Variants in VGLL4 observed in about 807,000 individuals in gnomAD.
The protein encoded by VGLL4 is transcription cofactor vestigial-like protein 4.
VGLL4 carries 7 observed loss-of-function variants against 21.0 expected under a neutral mutation model. The observed-to-expected ratio is 0.33, with a 90% CI of 0.19 to 0.63. The LOEUF is 0.63. Ranked by LOEUF, VGLL4 falls within the 20% of genes least tolerant of loss-of-function variation. VGLL4 has a pLI of 0.78. For missense variants in VGLL4, 394 were observed against 425.7 expected, an observed-to-expected ratio of 0.93 and a Z score of 0.66; for synonymous variants, 222 against 173.2, an observed-to-expected ratio of 1.28 and a Z score of -2.21.
rs1260665693 is a variant in VGLL4 at position 11,573,365 on chromosome 3, AAGAAAGAAAGAAAGAAAGAAAGAAAG to A, written c.273-8372_273-8347del. ...AAAGAAAGAAAGAAAGAAAGAAAGA[AAGAAAGAAAGAAAGAAAGAAAGAAAG>A]AAAGAAAATGGCCCCATAGTGCTTA... is the stretch of plus-strand genomic sequence containing the variant. On this transcript the variant is annotated intron_variant, in intron 2 of 4. Transcript: ENST00000430365. Among the ~76,000 whole-genome samples the A allele has an allele frequency of 1.1e-4, 16 of 139,562 alleles. No individual in the cohort carries two copies. The East Asian group carries it at 3.3e-3, about 29-fold the overall frequency. The allele number at this position is 139,562 out of a possible 152,430, so 91.6% of individuals were successfully genotyped here. A position where few individuals can be genotyped will look rare whatever the true frequency, so the allele number is the denominator to read the frequency against.
intron 2 of VGLL4, among the ~76,000 whole-genome samples, chr3:11,598,270 G>A (rs2074696480): frequency 1.4e-5 from 1 of 70,970 alleles, no homozygotes. Context: ...CATGTGATCC[G>A]CCCACCCTGG....
chr3:11,715,052 G>A (rs908334648), intron 1 of VGLL4, among the ~76,000 whole-genome samples: 1 of 151,528 alleles, frequency 6.6e-6, no homozygotes, highest in Non-Finnish European at 1.5e-5. Flanking sequence ...GGAGAATGGC[G>A]TGAACTCGGG....
At chr3:11,643,393 G>A (rs2075733393) in intron 1 of VGLL4, 44 bp downstream of exon 1, 1 of 1,613,616 alleles carries the variant, frequency 6.2e-7, no homozygotes, top group Non-Finnish European at 8.5e-7. Context: ...AGGAGGAGTG[G>A]CCGGGACGAG....
intron 2 of VGLL4, among the ~76,000 whole-genome samples, chr3:11,567,554 C>T (rs2073594368): frequency 6.6e-6 from 1 of 152,226 alleles, no homozygotes; most frequent in African/African-American, 2.4e-5. Context: ...CGTTAAAATA[C>T]TAAAAACCTT....
At chr3:11,662,724 A>T (rs1316089127) in intron 2 of VGLL4, among the ~76,000 whole-genome samples, 2 of 152,196 alleles carry the variant, frequency 1.3e-5, no homozygotes, top group African/African-American at 4.8e-5. Flanking sequence ...TTCTTAATTA[A>T]AAAAGGCCAG....
intron 2 of VGLL4, among the ~76,000 whole-genome samples, chr3:11,580,315 G>A (rs2074189437): frequency 6.6e-6 from 1 of 152,156 alleles, no homozygotes; most frequent in African/African-American, 2.4e-5. Flanking sequence ...TGGTAGCATG[G>A]GTCCGAATCT....
intron 1 of VGLL4, among the ~76,000 whole-genome samples, chr3:11,631,712 G>A (rs1254578994): frequency 1.3e-5 from 2 of 152,120 alleles, no homozygotes; most frequent in African/African-American, 4.8e-5. Context: ...CTAATTTTAT[G>A]TTTGACAAAA....
chr3:11,632,184 G>A (rs112926052), intron 1 of VGLL4, among the ~76,000 whole-genome samples: 2,892 of 152,126 alleles, frequency 0.019, 86 homozygotes, highest in African/African-American at 0.065. Flanking sequence ...GTAATGGCAC[G>A]CACCTGTAGT....
chr3:11,717,644 A>T (rs2076938236), intron 1 of VGLL4, among the ~76,000 whole-genome samples: 1 of 152,110 alleles, frequency 6.6e-6, no homozygotes, highest in Admixed American at 6.6e-5. Context: ...CCCGGCCCAG[A>T]ACATTTAAAA....
intron 1 of VGLL4, among the ~76,000 whole-genome samples, chr3:11,617,104 G>A (rs1461929826): frequency 1.3e-5 from 2 of 151,914 alleles, no homozygotes; most frequent in African/African-American, 2.4e-5. Context: ...AAAAGAGAGC[G>A]ATGCCACACA....
intron 2 of VGLL4, among the ~76,000 whole-genome samples, chr3:11,696,412 T>C (rs970423103): frequency 2.0e-5 from 3 of 152,244 alleles, no homozygotes; most frequent in African/African-American, 7.2e-5. Flanking sequence ...CCCTTTGCTG[T>C]ACCATGCCTC....
chr3:11,560,145 CG>C (rs1247958200), intron 3 of VGLL4, among the ~76,000 whole-genome samples: 3 of 152,232 alleles, frequency 2.0e-5, no homozygotes, highest in African/African-American at 7.2e-5. Flanking sequence ...CACTGGCCAC[CG>C]CCCCACCACC....
intron 1 of VGLL4, among the ~76,000 whole-genome samples, chr3:11,628,631 T>C (rs570275932): frequency 6.6e-5 from 10 of 151,020 alleles, no homozygotes; most frequent in South Asian, 4.2e-4. Context: ...CCATCCTAGC[T>C]AACACGGTGA....
At chr3:11,625,309 T>C (rs1460639951) in intron 1 of VGLL4, among the ~76,000 whole-genome samples, 1 of 152,340 alleles carries the variant, frequency 6.6e-6, no homozygotes, top group East Asian at 1.9e-4. Context: ...TTGCTAGCAT[T>C]TGGCATCTCA....
intron 2 of VGLL4, among the ~76,000 whole-genome samples, chr3:11,668,199 G>A (rs537819376): frequency 1.5e-4 from 23 of 151,374 alleles, no homozygotes; most frequent in Non-Finnish European, 3.4e-4. Context: ...ATTTCTTCAA[G>A]ATATAAATAA....
chr3:11,709,200 G>C (rs2076802992), intron 1 of VGLL4, among the ~76,000 whole-genome samples: 1 of 152,010 alleles, frequency 6.6e-6, no homozygotes, highest in Admixed American at 6.6e-5. Flanking sequence ...TACTTTGGGA[G>C]GCCAAGGTGG....
At chr3:11,628,634 C>A (rs1028084547) in intron 1 of VGLL4, among the ~76,000 whole-genome samples, 1 of 151,268 alleles carries the variant, frequency 6.6e-6, no homozygotes, top group African/African-American at 2.4e-5. Flanking sequence ...TCCTAGCTAA[C>A]ACGGTGAAAC....
chr3:11,625,132 A>T (rs960371507), intron 1 of VGLL4, among the ~76,000 whole-genome samples: 1 of 152,234 alleles, frequency 6.6e-6, no homozygotes, highest in Non-Finnish European at 1.5e-5. Context: ...CTCTCCAAAA[A>T]TTCAGTAGTG....
In VGLL4 at chr3:11,558,766, G is replaced by A. The variant is rs1265334135; in HGVS notation, c.681C>T (p.Tyr227=). Residue 227 remains tyrosine (Y), a synonymous_variant, in exon 5 of 5, where the codon TAC becomes TAT. Coordinates refer to ENST00000430365, the MANE Select transcript of VGLL4 (RefSeq NM_001128219.3). ...AGTTGGGTGCCGGCTCGGGCTCCTTGTAATTCTTGCCCAGGCTCCTGCGGA... is the reference window on the plus strand; with the variant it reads ...AGTTGGGTGCCGGCTCGGGCTCCTTATAATTCTTGCCCAGGCTCCTGCGGA... ...EHFRRSLGKN[Y]KEPEPAPNSV... is the part of the protein sequence containing the mutation. 4.3e-6 allele frequency: 7 copies of A among 1,614,144 alleles called. No homozygotes were observed. In the South Asian group the frequency reaches 5.5e-5, roughly 13 times the overall value.
Sources: gnomAD v4.1 joint callset for allele counts (sites outside exome capture counted in the v4.1 genomes callset) on GRCh38, gnomAD v4.1.1 for gene constraint, MANE v1.5 for transcripts, NCBI Gene and HGNC (gene_info 2026-07-23, HGNC 2026-07-21) for gene names.